Variants in SRSF11 observed in about 807,000 individuals in gnomAD.
SRSF11 encodes serine and arginine rich splicing factor 11, also known as serine/arginine-rich splicing factor 11.
Under a neutral mutation model 56.0 loss-of-function variants are expected in SRSF11, and 9 were observed. The ratio of observed to expected loss-of-function variants is 0.16; its 90% CI spans 0.10 to 0.28. SRSF11 has a LOEUF of 0.28. SRSF11 is among the 10% of genes least tolerant of loss of function. The probability of loss-of-function intolerance (pLI) is 1.00; values close to 1 mark genes in which losing one functional copy is unlikely to be tolerated. For synonymous variants in SRSF11, 222 were observed against 215.3 expected (o/e 1.03, Z -0.27); for missense variants, 421 against 600.7 (o/e 0.70, Z 3.13).
chr1:70,230,491 G>A, intron 2 of SRSF11: 1 of 1,236,544 alleles, frequency 8.1e-7, no homozygotes, highest in Non-Finnish European at 1.0e-6. Context: ...GATTTTTTAG[G>A]TTCCTTGGTT....
At position 70,233,203 on chromosome 1, in the gene SRSF11, CTGTTT is replaced by C. The variant is rs998734370; in HGVS notation, c.447+838_447+842del. On this transcript the variant is annotated intron_variant, in intron 3 of 11. Coordinates refer to ENST00000370949, the MANE Select transcript of SRSF11 (RefSeq NM_001350605.2). ...TGAGTAATTTTCTTTATTCTTTGTT[CTGTTT>C]TGTTTTGTTTTTTTTTGTTTGTTTT... 1.3e-3 allele frequency among the ~76,000 whole-genome samples: 203 copies of C among 151,498 alleles called. 1 individual carries two copies. Among genetic ancestry groups the C allele is most frequent in the Non-Finnish European group, 2.8e-4 (19 of 67,800 alleles).
chr1:70,215,416 C>T (rs1355851651), intron 1 of SRSF11, among the ~76,000 whole-genome samples: 4 of 152,158 alleles, frequency 2.6e-5, no homozygotes, highest in Non-Finnish European at 5.9e-5. Context: ...AGCCATCTGC[C>T]TTACAAGAAT....
chr1:70,238,130 ATTG>A (rs1483339026), intron 6 of SRSF11, among the ~76,000 whole-genome samples: 2 of 152,122 alleles, frequency 1.3e-5, no homozygotes, highest in African/African-American at 2.4e-5. Flanking sequence ...TAATGTGCCT[ATTG>A]TTAGGAAAAT....
At chr1:70,224,329 AACT>A (rs2100636412) in intron 1 of SRSF11, among the ~76,000 whole-genome samples, 1 of 152,262 alleles carries the variant, frequency 6.6e-6, no homozygotes, top group South Asian at 2.1e-4. Context: ...TGACATGCTT[AACT>A]ACTTTTATTT....
At chr1:70,231,488 T>G (rs983195984) in intron 2 of SRSF11, 4 of 1,060,262 alleles carry the variant, frequency 3.8e-6, no homozygotes, top group Non-Finnish European at 3.4e-6. Context: ...AGTTAGCTTT[T>G]CAACTGGCAC....
chr1:70,228,887 A>C, intron 2 of SRSF11: 3 of 984,360 alleles, frequency 3.0e-6, no homozygotes, highest in Non-Finnish European at 3.6e-6. Flanking sequence ...TAAATGATTC[A>C]CTCCATGTAT....
chr1:70,249,973 C>T lies in SRSF11; in HGVS notation c.1044C>T (p.Ser348=). 2 of 1,614,082 alleles carry T rather than the reference C, an allele frequency of 1.2e-6. No homozygotes were observed. Among genetic ancestry groups the T allele is most frequent in the Non-Finnish European group, 1.7e-6 (2 of 1,179,994 alleles). The change falls in exon 10 of 12, where the codon AGC becomes AGT. Residue 348 remains serine (S), a synonymous_variant. Coordinates refer to ENST00000370949, the MANE Select transcript of SRSF11 (RefSeq NM_001350605.2). ...SASRERRRRR[S]RSGTRSPKKP... ...CTAGAGAGAGACGACGACGAAGAAG[C>T]AGGAGTGGCACAAGATCTCCTAAAA...
At chr1:70,247,244 C>A in intron 9 of SRSF11, 1 of 363,562 alleles carries the variant, frequency 2.8e-6, no homozygotes. Context: ...TATTTATCAT[C>A]TGCATGTTAG....
chr1:70,237,710 A>G (rs1221577520), intron 6 of SRSF11, among the ~76,000 whole-genome samples, 158 bp downstream of exon 6: 1 of 152,234 alleles, frequency 6.6e-6, no homozygotes, highest in Non-Finnish European at 1.5e-5. Flanking sequence ...ATTTGGAGAC[A>G]ATTCTGGTGG....
chr1:70,234,656 G>C (rs756248995), intron 3 of SRSF11, 40 bp from the exon 4 acceptor site: 7 of 1,532,304 alleles, frequency 4.6e-6, no homozygotes, highest in Non-Finnish European at 8.9e-7. Context: ...ATAAGGAACT[G>C]AAATGAAGTT....
At chr1:70,205,798 G>A in intron 1 of SRSF11, 1 of 401,458 alleles carries the variant, frequency 2.5e-6, no homozygotes, top group Non-Finnish European at 4.6e-6. Flanking sequence ...CGTTTAACGG[G>A]CTTAAGAGGG....
At chr1:70,232,035 C>T (rs952873905) in intron 2 of SRSF11, 58 of 1,516,554 alleles carry the variant, frequency 3.8e-5, no homozygotes, top group Non-Finnish European at 4.5e-5. Flanking sequence ...TTTTTTTTTA[C>T]TCTAGAAACT....
chr1:70,236,242 A>T (rs558267288), intron 5 of SRSF11, among the ~76,000 whole-genome samples: 65 of 151,956 alleles, frequency 4.3e-4, no homozygotes, highest in African/African-American at 1.5e-3. Flanking sequence ...AGCTTCCTAT[A>T]TACCCATTAT....
intron 8 of SRSF11, among the ~76,000 whole-genome samples, chr1:70,245,160 T>C (rs1676460954): frequency 6.6e-6 from 1 of 152,234 alleles, no homozygotes; most frequent in Admixed American, 6.5e-5. Context: ...ACTTTTAAAT[T>C]AGTATGCCCC....
chr1:70,212,417 C>G (rs761343124), intron 1 of SRSF11, among the ~76,000 whole-genome samples: 6 of 152,012 alleles, frequency 3.9e-5, no homozygotes, highest in Non-Finnish European at 8.8e-5. Context: ...CCACCACACC[C>G]GGCTAATTTT....
At chr1:70,237,323 A>G in intron 5 of SRSF11, 102 bp from the exon 6 acceptor site, 1 of 1,444,562 alleles carries the variant, frequency 6.9e-7, no homozygotes, top group East Asian at 2.5e-5. Flanking sequence ...CTTTTTTTGA[A>G]GGAATATTTT....
Position 70,246,901 on chromosome 1 carries a change from C to T in SRSF11, c.1016C>T (p.Ala339Val), listed in dbSNP as rs1264123991. The change falls in exon 9 of 12, where the codon GCA becomes GTA. Residue 339 changes from alanine to valine, a missense_variant. Around this residue, in one of 2 missense-constraint regions of SRSF11, gnomAD observed 253 missense variants for 305.8 expected, o/e 0.83. Coordinates refer to ENST00000370949, the MANE Select transcript of SRSF11 (RefSeq NM_001350605.2). Reference protein sequence around the residue: ...SYSTARRSRSASRERRRRRSR... With the variant: ...SYSTARRSRSVSRERRRRRSR... ...AGCACAGCCAGACGTTCTAGAAGTG[C>T]AAGCAGGTAAGGTGGCATTGTGAAT... 1.2e-6 allele frequency: 2 copies of T among 1,603,118 alleles called. No individual in the cohort carries two copies. The highest frequency in any genetic ancestry group is 1.7e-6 in the Non-Finnish European group (2 of 1,175,622).
intron 1 of SRSF11, among the ~76,000 whole-genome samples, chr1:70,207,181 C>T (rs1669124808): frequency 6.6e-6 from 1 of 150,980 alleles, no homozygotes; most frequent in Admixed American, 6.6e-5. Context: ...TGTCAGTCGC[C>T]GTGCCCAGCC....
chr1:70,236,270 C>G (rs556100500), intron 5 of SRSF11, among the ~76,000 whole-genome samples: 1 of 151,744 alleles, frequency 6.6e-6, no homozygotes, highest in East Asian at 1.9e-4. Flanking sequence ...ATTTCCTGTT[C>G]TGCCCACAAA....
Sources: allele counts gnomAD v4.1 joint callset (sites outside exome capture counted in the v4.1 genomes callset), GRCh38; gene constraint gnomAD v4.1.1; regional missense constraint gnomAD v4.1.1; transcripts MANE v1.5; gene names NCBI Gene and HGNC (gene_info 2026-07-23, HGNC 2026-07-21).